The following GPSM1 variants were observed in gnomAD, a reference collection of about 807,000 sequenced individuals.
GPSM1 encodes G protein signaling modulator 1, also known as G protein-signaling modulator 1.
GPSM1 carries 48 observed loss-of-function variants against 70.5 expected under a neutral mutation model. That is an observed-to-expected ratio of 0.68 (90% CI 0.54 to 0.87). The LOEUF is 0.87. Among genes scored for constraint, GPSM1 ranks in the 40% least tolerant of loss-of-function variants. The pLI is 0.00. For missense variants in GPSM1, 981 were observed against 972.6 expected (o/e 1.01, Z -0.11); for synonymous variants, 416 against 430.1 (o/e 0.97, Z 0.41).
In GPSM1 at chr9:136,343,080, C is replaced by T. The variant is rs1488519855; in HGVS notation, c.1207+2087C>T. Among the ~76,000 whole-genome samples, 2 of 152,104 alleles carry T rather than the reference C, an allele frequency of 1.3e-5. No homozygotes were observed. The highest frequency in any genetic ancestry group is 2.9e-5 in the Non-Finnish European group (2 of 68,014). ...TTAATCTCACCGCCCTCTGCTGGCC[C>T]CTCCCCAGCCAGCAGAGAAGCCCCA... On this transcript the variant is annotated intron_variant, in intron 9 of 13. Coordinates refer to ENST00000440944, the MANE Select transcript of GPSM1 (RefSeq NM_001145638.3). The surrounding 1 kb of genome is among the most constrained non-coding windows in gnomAD (Gnocchi z 6.0).
At chr9:136,355,937 G>A (rs547887264) in intron 12 of GPSM1, 91 bp downstream of exon 12, 150 of 1,120,692 alleles carry the variant, frequency 1.3e-4, no homozygotes, top group Non-Finnish European at 1.7e-4. Context: ...AGGAGTTTTC[G>A]GGGGCAGACC....
intron 12 of GPSM1, 58 bp downstream of exon 12, chr9:136,355,904 G>A: frequency 2.1e-6 from 3 of 1,426,182 alleles, no homozygotes; most frequent in Non-Finnish European, 2.9e-6. Context: ...GCCAGGACCA[G>A]GGCTCCCGTC....
rs1170628227 is a variant in GPSM1, at chr9:136,343,948, C to T, written c.1207+2955C>T. On this transcript the variant is annotated intron_variant, in intron 9 of 13. Transcript: ENST00000440944. This position sits in a 1 kb window ranked among gnomAD's most constrained non-coding sequence, Gnocchi z 6.0. Reference sequence around the variant, plus strand: ...ATGGCACACAGGGTCCCGCACGCAGCAGATACACAGTAAATGCCTGCTGCT... The same window carrying T: ...ATGGCACACAGGGTCCCGCACGCAGTAGATACACAGTAAATGCCTGCTGCT... 6.6e-6 allele frequency among the ~76,000 whole-genome samples: 1 copy of T among 152,166 alleles called. No homozygotes were observed. The highest frequency in any genetic ancestry group is 6.5e-5 in the Admixed American group (1 of 15,278).
chr9:136,356,063 G>C (rs782549628), intron 12 of GPSM1, among the ~76,000 whole-genome samples: 1 of 152,150 alleles, frequency 6.6e-6, no homozygotes. Flanking sequence ...AGGCTGCAGG[G>C]GCAGTCTCAG....
At chr9:136,346,392 A>G (rs1232834276) in intron 9 of GPSM1, among the ~76,000 whole-genome samples, 3 of 152,076 alleles carry the variant, frequency 2.0e-5, no homozygotes, top group African/African-American at 7.2e-5. Context: ...TTAGGAGCTC[A>G]CCATTTAAAC....
Position 136,337,172 on chromosome 9 carries a change from A to G in GPSM1, c.578+100A>G. The G allele has an allele frequency of 6.7e-6, 8 of 1,185,476 alleles. No individual in the cohort carries two copies. In the South Asian group the frequency reaches 1.2e-4, roughly 18 times the overall value. 73.4% of individuals were successfully genotyped at this position (1,185,476 alleles called of 1,614,324 possible). On this transcript the variant is annotated intron_variant, in intron 4 of 13. Transcript: ENST00000440944. ...CCCGACCCCAGCCCCATACCTCCCG[A>G]CAGCTCCCAGGGCAGTGACGGCCAG...
intron 12 of GPSM1, 49 bp downstream of exon 12, chr9:136,355,895 C>T (rs1554773018): frequency 8.8e-6 from 13 of 1,473,616 alleles, no homozygotes; most frequent in Non-Finnish European, 1.1e-5. Context: ...TCTGCAGGGG[C>T]CAGGACCAGG....
At chr9:136,355,483 G>A (rs1832787346) in intron 11 of GPSM1, 1 of 214,862 alleles carries the variant, frequency 4.7e-6, no homozygotes, top group Non-Finnish European at 7.9e-6. Context: ...GGGTGCCGAG[G>A]GTGGGTGACA....
At chr9:136,336,248 A>T in intron 3 of GPSM1, 147 bp downstream of exon 3, 1 of 984,002 alleles carries the variant, frequency 1.0e-6, no homozygotes, top group Non-Finnish European at 1.5e-6. Flanking sequence ...ATCCCGAGTG[A>T]CTCAGGAGAG....
intron 1 of GPSM1, among the ~76,000 whole-genome samples, chr9:136,328,124 C>T (rs1832021450): frequency 6.6e-6 from 1 of 152,228 alleles, no homozygotes; most frequent in South Asian, 2.1e-4. Flanking sequence ...CCAAAGAGAC[C>T]TGGCTGCTCT....
chr9:136,336,733 G>A (rs1329006710), intron 3 of GPSM1, among the ~76,000 whole-genome samples, 188 bp from the exon 4 acceptor site: 1 of 152,172 alleles, frequency 6.6e-6, no homozygotes, highest in Non-Finnish European at 1.5e-5. Context: ...GGTGAGGGAG[G>A]GCGGAGGCTG....
In GPSM1 at chr9:136,342,066, C is replaced by T. The variant is rs1451016311; in HGVS notation, c.1207+1073C>T. On this transcript the variant is annotated intron_variant, in intron 9 of 13. Coordinates refer to ENST00000440944, the MANE Select transcript of GPSM1 (RefSeq NM_001145638.3). The surrounding 1 kb of genome is among the most constrained non-coding windows in gnomAD (Gnocchi z 5.5). ...CTGAAGACAGAGGAAGGAGCAGAGG[C>T]TCTGGGGCCCTCAGCGAGTCCGTGG... Among the ~76,000 whole-genome samples, 1 of 152,146 alleles carries T rather than the reference C, an allele frequency of 6.6e-6. No homozygotes were observed. Among genetic ancestry groups the T allele is most frequent in the African/African-American group, 2.4e-5 (1 of 41,422 alleles).
chr9:136,353,582 C>T (rs1832729816), intron 11 of GPSM1, among the ~76,000 whole-genome samples: 1 of 152,224 alleles, frequency 6.6e-6, no homozygotes, highest in Admixed American at 6.5e-5. Flanking sequence ...GGCATCAGCC[C>T]CTCAACAGCT....
chr9:136,353,040 C>T, intron 11 of GPSM1: 5 of 971,678 alleles, frequency 5.1e-6, no homozygotes, highest in Non-Finnish European at 6.1e-6. Context: ...TGAGGCAGCA[C>T]TTGGCACTTT....
chr9:136,358,736 T>G lies in GPSM1; in HGVS notation c.*516T>G. On this transcript the variant is annotated 3_prime_UTR_variant, in exon 14 of 14. Transcript: ENST00000440944. The stretch of plus-strand genomic sequence containing the variant: ...GCTCCCTCCAAGCCTGTCTCCCCAC[T>G]CCCCGGCCAGAGGTCAGCAACCACA... 5.8e-6 allele frequency: 1 copy of G among 172,490 alleles called. No individual in the cohort carries two copies. The highest frequency in any genetic ancestry group is 1.2e-5 in the Non-Finnish European group (1 of 82,510). 10.7% of individuals were successfully genotyped at this position (172,490 alleles called of 1,614,324 possible).
chr9:136,331,390 G>A (rs1008778959), intron 1 of GPSM1, among the ~76,000 whole-genome samples: 1 of 149,434 alleles, frequency 6.7e-6, no homozygotes, highest in Non-Finnish European at 1.5e-5. Flanking sequence ...GCCCCATGCT[G>A]GCACCGTGGG....
intron 1 of GPSM1, 101 bp from the exon 2 acceptor site, chr9:136,334,346 A>C: frequency 6.5e-6 from 5 of 771,376 alleles, no homozygotes; most frequent in Non-Finnish European, 1.1e-5. Flanking sequence ...TGTGTGCCCT[A>C]GCCCACCCAG....
intron 6 of GPSM1, among the ~76,000 whole-genome samples, chr9:136,338,348 G>A (rs1374101811): frequency 2.0e-5 from 3 of 152,210 alleles, no homozygotes; most frequent in African/African-American, 7.2e-5. Context: ...CAGGCAACTT[G>A]CCAGAGCCTG....
intron 9 of GPSM1, among the ~76,000 whole-genome samples, chr9:136,345,820 G>A (rs1284653416): frequency 6.6e-6 from 1 of 152,176 alleles, no homozygotes; most frequent in Non-Finnish European, 1.5e-5. Flanking sequence ...TGTGGGGTCA[G>A]CAGCTGTCCT....
Sources: gnomAD v4.1 joint callset for allele counts (sites outside exome capture counted in the v4.1 genomes callset) on GRCh38, gnomAD v4.1.1 for gene constraint, Gnocchi (gnomAD v3.1) non-coding constraint, MANE v1.5 for transcripts, NCBI Gene and HGNC (gene_info 2026-07-23, HGNC 2026-07-21) for gene names.